UBA1: variants seen among roughly 807,000 people sequenced by gnomAD.
UBA1 encodes ubiquitin-like modifier-activating enzyme 1.
UBA1 carries 4 observed loss-of-function variants against 84.7 expected under a neutral mutation model. That is an observed-to-expected ratio of 0.05 (90% CI 0.02 to 0.11). The LOEUF (loss-of-function observed/expected upper bound fraction) is 0.11. Ranked by LOEUF, UBA1 falls within the 10% of genes least tolerant of loss-of-function variation. The probability of loss-of-function intolerance (pLI) is 1.00; values close to 1 mark genes in which losing one functional copy is unlikely to be tolerated. For missense variants in UBA1, 513 were observed against 902.8 expected (o/e 0.57, Z 5.53); for synonymous variants, 364 against 362.6 (o/e 1.00, Z -0.04).
At chrX:47,210,177 G>C (rs1936861928) in intron 18 of UBA1, 54 bp downstream of exon 18, 1 of 1,175,996 alleles carries the variant, frequency 8.5e-7, no homozygotes, top group Non-Finnish European at 1.2e-6. Flanking sequence ...TGAAATGGGA[G>C]CCTGCAGTGT....
chrX:47,195,541 G>A (rs868909603), intron 1 of UBA1, among the ~76,000 whole-genome samples: 1 of 111,440 alleles, frequency 9.0e-6, no homozygotes, highest in African/African-American at 3.3e-5. Flanking sequence ...GTGAGCCACC[G>A]CGCCTGGCCA....
Position 47,197,352 on chromosome X carries a change from C to A in UBA1, c.1-1451C>A, listed in dbSNP as rs933241084. On this transcript the variant is annotated intron_variant, in intron 1 of 25. Coordinates refer to ENST00000335972, the MANE Select transcript of UBA1 (RefSeq NM_003334.4). ...GGGGATTGTTAAGATTAGACAAAGC[C>A]CTTTCCTCTTTGATTGACACACAGT... The A allele has an allele frequency of 1.3e-5, 10 of 753,764 alleles. No individual in the cohort carries two copies. In the African/African-American group the frequency reaches 2.3e-4, roughly 17 times the overall value. The allele number at this position is 753,764 out of a possible 1,213,427, so 62.1% of individuals were successfully genotyped here. A position where few individuals can be genotyped will look rare whatever the true frequency, so the allele number is the denominator to read the frequency against.
chrX:47,206,083 G>A lies in UBA1; in HGVS notation c.1711G>A (p.Val571Met). Residue 571 changes from valine to methionine, a missense_variant, in exon 15 of 26, where the codon GTG becomes ATG. This residue lies in a region of UBA1 where 55 missense variants were observed against 104.8 expected (regional missense o/e 0.52). Coordinates refer to ENST00000335972, the MANE Select transcript of UBA1 (RefSeq NM_003334.4). ...DDDFFQNLDG[V>M]ANALDNVDAR... ...CGATTTTTTCCAAAACCTAGATGGCGTGGCCAATGCCCTGGACAACGTGGA... is the reference window on the plus strand; with the variant it reads ...CGATTTTTTCCAAAACCTAGATGGCATGGCCAATGCCCTGGACAACGTGGA... The A allele has an allele frequency of 1.7e-6, 2 of 1,205,077 alleles. No homozygotes were observed. Among genetic ancestry groups the A allele is most frequent in the Non-Finnish European group, 2.2e-6 (2 of 892,004 alleles).
At chrX:47,201,090 C>T in intron 6 of UBA1, 90 bp downstream of exon 6, 2 of 893,203 alleles carry the variant, frequency 2.2e-6, no homozygotes, top group Non-Finnish European at 3.2e-6. Flanking sequence ...CTGCCCTCAT[C>T]CCTTCTCAGC....
In UBA1 at chrX:47,213,088, G is replaced by T. The variant is rs2147297953; in HGVS notation, c.2745G>T (p.Gly915=). The change falls in exon 23 of 26, where the codon GGG becomes GGT. Residue 915 remains glycine, a synonymous_variant. Transcript: ENST00000335972. ...TGGAGCTGTACAAGGTTGTGCAGGG[G>T]CACCGACAGCTTGACTCCTACAAGA... ...VCLELYKVVQ[G]HRQLDSYKNG... is the part of the protein sequence containing the mutation. 2 of 1,211,888 alleles carry T rather than the reference G, an allele frequency of 1.7e-6. No homozygotes were observed. Among genetic ancestry groups the T allele is most frequent in the South Asian group, 3.5e-5 (2 of 56,995 alleles).
Position 47,209,911 on chromosome X carries a change from T to C in UBA1, c.2004-17T>C, listed in dbSNP as rs1556792806. The C allele has an allele frequency of 4.1e-6, 5 of 1,208,857 alleles. No homozygotes were observed. In the Admixed American group the frequency reaches 6.5e-5, roughly 16 times the overall value. On this transcript the variant is annotated splice_polypyrimidine_tract_variant and intron_variant, in intron 17 of 25. Transcript: ENST00000335972. ...TGACATGTAATCCTATCCTCTGTCC[T>C]CTTCGATTCCTGATAGAGACCCCAA...
chrX:47,200,939 G>A lies in UBA1; in HGVS notation c.526G>A (p.Gly176Ser), dbSNP rs1556787659. 8.3e-7 allele frequency: 1 copy of A among 1,204,907 alleles called. No homozygotes were observed. The highest frequency in any genetic ancestry group is 1.7e-5 in the African/African-American group (1 of 57,672). ...CCCCCTGGAGGACCAGCTGCGAGTG[G>A]GTGAGTTCTGTCACAACCGTGGCAT... ...NTPLEDQLRV[G>S]EFCHNRGIKL... Residue 176 changes from glycine to serine, a missense_variant, in exon 6 of 26, where the codon GGT becomes AGT. By Grantham distance (56) the Gly-to-Ser change is moderately conservative (BLOSUM62 0). Coordinates refer to ENST00000335972, the MANE Select transcript of UBA1 (RefSeq NM_003334.4).
At chrX:47,211,566 T>C (rs1487597622) in intron 20 of UBA1, among the ~76,000 whole-genome samples, 1 of 111,158 alleles carries the variant, frequency 9.0e-6, no homozygotes, top group Non-Finnish European at 1.9e-5. Flanking sequence ...CCTTGATACT[T>C]TCCTGCCTTG....
chrX:47,211,499 C>T (rs1936914305), intron 20 of UBA1, among the ~76,000 whole-genome samples: 1 of 111,589 alleles, frequency 9.0e-6, no homozygotes. Flanking sequence ...GTTCTTTCTT[C>T]TGTTTCTTCT....
chrX:47,209,956 C>T lies in UBA1; in HGVS notation c.2032C>T (p.Arg678Trp), dbSNP rs1556792825. ...CCCCAAGTTTGTGGAGCGAACACTGCGGCTGGCAGGCACTCAGCCCTTGGA... is the reference window on the plus strand; with the variant it reads ...CCCCAAGTTTGTGGAGCGAACACTGTGGCTGGCAGGCACTCAGCCCTTGGA... Reference protein sequence around the residue: ...TDPKFVERTLRLAGTQPLEVL... With the variant: ...TDPKFVERTLWLAGTQPLEVL... Residue 678 changes from arginine to tryptophan, a missense_variant, in exon 18 of 26, where the codon CGG becomes TGG. By Grantham distance (101) the Arg-to-Trp change is moderately radical. Coordinates refer to ENST00000335972, the MANE Select transcript of UBA1 (RefSeq NM_003334.4). The T allele has an allele frequency of 8.3e-7, 1 of 1,210,657 alleles. No individual in the cohort carries two copies. The highest frequency in any genetic ancestry group is 1.1e-6 in the Non-Finnish European group (1 of 895,290).
At chrX:47,204,621 C>T (rs893232447) in intron 14 of UBA1, among the ~76,000 whole-genome samples, 2 of 111,488 alleles carry the variant, frequency 1.8e-5, no homozygotes, top group African/African-American at 6.5e-5. Flanking sequence ...CAGTGAACCA[C>T]TGATACCAGG....
At chrX:47,205,101 T>C in intron 14 of UBA1, 1 of 150,018 alleles carries the variant, frequency 6.7e-6, no homozygotes. Flanking sequence ...AAGGCCTGAG[T>C]TCTGCAAAGA....
intron 8 of UBA1, 67 bp from the exon 9 acceptor site, chrX:47,202,089 A>G: frequency 1.0e-6 from 1 of 956,181 alleles, no homozygotes; most frequent in South Asian, 2.0e-5. Flanking sequence ...GAGGTTCCTT[A>G]TCTTGCAGGG....
At chrX:47,192,960 G>A (rs1476829006), upstream of UBA1, among the ~76,000 whole-genome samples, 4 of 111,842 alleles carry the variant, frequency 3.6e-5, no homozygotes, top group African/African-American at 1.3e-4. Flanking sequence ...GTGAGTTTGG[G>A]TTTGATTGGA....
At chrX:47,212,657 C>G in intron 21 of UBA1, 114 bp from the exon 22 acceptor site, 1 of 873,606 alleles carries the variant, frequency 1.1e-6, no homozygotes, top group Admixed American at 2.6e-5. Context: ...GTAGGTGTTC[C>G]CAGCCATCCC....
chrX:47,204,441 CAA>C (rs1867542199), intron 14 of UBA1, among the ~76,000 whole-genome samples: 1 of 111,389 alleles, frequency 9.0e-6, no homozygotes, highest in Admixed American at 9.5e-5. Context: ...CAAGGTGTAA[CAA>C]GACATGAAAT....
intron 14 of UBA1, chrX:47,205,678 A>G: frequency 2.5e-6 from 1 of 398,911 alleles, no homozygotes; most frequent in South Asian, 3.3e-5. Context: ...GCATGACAAA[A>G]CCCTGTCTCT....
chrX:47,210,953 G>T (rs1556793184), intron 19 of UBA1, 37 bp downstream of exon 19: 1 of 1,207,083 alleles, frequency 8.3e-7, no homozygotes, highest in East Asian at 3.0e-5. Context: ...GGGTCAGGTG[G>T]AGGGTGAATA....
rs898122193 is a variant in UBA1 at position 47,214,843 on chromosome X, G to T, written c.3091G>T (p.Val1031Leu). 5.0e-6 allele frequency: 6 copies of T among 1,211,904 alleles called. No individual in the cohort carries two copies. The highest frequency in any genetic ancestry group is 6.7e-6 in the Non-Finnish European group (6 of 895,638). Reference protein sequence around the residue: ...RVSKRKLGRHVRALVLELCCN... With the variant: ...RVSKRKLGRHLRALVLELCCN... The stretch of plus-strand genomic sequence containing the variant: ...GTCGAAGCGAAAGCTGGGCCGCCAC[G>T]TGCGGGCGCTGGTGCTTGAGCTGTG... Residue 1031 changes from valine (V) to leucine (L), a missense_variant, in exon 26 of 26, where the codon GTG (valine) becomes TTG (leucine). Physicochemically the swap from Val to Leu is conservative, Grantham distance 32. This residue lies in a region of UBA1 where 151 missense variants were observed against 260.1 expected (regional missense o/e 0.58). Coordinates refer to ENST00000335972, the MANE Select transcript of UBA1 (RefSeq NM_003334.4).
Sources: gnomAD v4.1 joint callset for allele counts (sites outside exome capture counted in the v4.1 genomes callset) on GRCh38, gnomAD v4.1.1 for gene constraint, gnomAD v4.1.1 regional missense constraint, MANE v1.5 for transcripts, NCBI Gene and HGNC (gene_info 2026-07-23, HGNC 2026-07-21) for gene names.